Variants in RALA observed in about 807,000 individuals in gnomAD.
RALA encodes the protein ras-related protein Ral-A.
Under a neutral mutation model 24.0 loss-of-function variants are expected in RALA, and 5 were observed. The ratio of observed to expected loss-of-function variants is 0.21; its 90% CI spans 0.11 to 0.44. The LOEUF is 0.44. Among genes scored for constraint, RALA ranks in the 20% least tolerant of loss-of-function variants. RALA has a pLI of 0.99. For synonymous variants in RALA, 77 were observed against 83.8 expected (o/e 0.92, Z 0.44); for missense variants, 95 against 241.2 (o/e 0.39, Z 4.01).
intron 1 of RALA, among the ~76,000 whole-genome samples, chr7:39,648,734 A>G (rs1002707269): frequency 6.6e-6 from 1 of 152,174 alleles, no homozygotes; most frequent in Non-Finnish European, 1.5e-5. Context: ...TTGCCAGCCA[A>G]TCAGTTGTGG....
intron 1 of RALA, among the ~76,000 whole-genome samples, chr7:39,644,580 G>A (rs980989290): frequency 6.6e-6 from 1 of 152,158 alleles, no homozygotes; most frequent in African/African-American, 2.4e-5. Flanking sequence ...GAATAAGATT[G>A]CATTACTACT....
intron 1 of RALA, among the ~76,000 whole-genome samples, chr7:39,682,305 T>TTGC (rs143125070): frequency 7.7e-4 from 117 of 151,542 alleles, no homozygotes; most frequent in African/African-American, 1.5e-3. Flanking sequence ...GGTAATACCA[T>TTGC]TGCTGCTGCT....
At chr7:39,631,981 G>C (rs1791605541) in intron 1 of RALA, among the ~76,000 whole-genome samples, 1 of 152,144 alleles carries the variant, frequency 6.6e-6, no homozygotes, top group Non-Finnish European at 1.5e-5. Context: ...AGGGTGAGCA[G>C]GTGTGACACA....
chr7:39,660,537 T>C (rs1053963940), intron 1 of RALA, among the ~76,000 whole-genome samples: 6 of 152,174 alleles, frequency 3.9e-5, no homozygotes, highest in African/African-American at 1.4e-4. Context: ...CATAACTTTT[T>C]CTTTTCACTT....
chr7:39,672,189 A>T (rs1286099897), intron 1 of RALA, among the ~76,000 whole-genome samples: 1 of 152,224 alleles, frequency 6.6e-6, no homozygotes, highest in Non-Finnish European at 1.5e-5. Context: ...AAAGGATTTG[A>T]TTCAGAATAT....
intron 1 of RALA, among the ~76,000 whole-genome samples, chr7:39,640,114 C>T (rs891711546): frequency 2.0e-5 from 3 of 152,214 alleles, no homozygotes; most frequent in African/African-American, 7.2e-5. Context: ...GTAGTGAGAT[C>T]TTGGCACACT....
chr7:39,706,194 G>A lies in RALA; in HGVS notation c.570G>A (p.Lys190=), dbSNP rs375520261. The stretch of plus-strand genomic sequence containing the variant: ...ACAGCAAAGAAAAGAATGGAAAAAA[G>A]AAGAGGAAAAGTTTAGCCAAGAGAA... ...MEDSKEKNGK[K]KRKSLAKRIR... is the part of the protein sequence containing the mutation. The change falls in exon 5 of 5, where the codon AAG becomes AAA. Residue 190 remains lysine, a synonymous_variant. Coordinates refer to ENST00000005257, the MANE Select transcript of RALA (RefSeq NM_005402.4). The A allele has an allele frequency of 8.1e-6, 13 of 1,610,068 alleles. No homozygotes were observed. The East Asian group carries it at 2.7e-4, about 33-fold the overall frequency.
intron 1 of RALA, among the ~76,000 whole-genome samples, chr7:39,635,227 C>T (rs920853121): frequency 6.6e-6 from 1 of 151,884 alleles, no homozygotes; most frequent in Non-Finnish European, 1.5e-5. Flanking sequence ...AAAAATCAGC[C>T]GAGCATGGTG....
intron 1 of RALA, among the ~76,000 whole-genome samples, chr7:39,683,671 A>T (rs1583746726): frequency 6.6e-6 from 1 of 152,288 alleles, no homozygotes; most frequent in South Asian, 2.1e-4. Context: ...TAGCCTCTTA[A>T]TAGTCTGGAA....
intron 2 of RALA, 36 bp downstream of exon 2, chr7:39,686,817 C>G (rs757034990): frequency 6.8e-7 from 1 of 1,474,166 alleles, no homozygotes. Flanking sequence ...AAAGTTTAGG[C>G]TTTCAGAGAG....
intron 1 of RALA, among the ~76,000 whole-genome samples, chr7:39,684,781 C>T (rs1191562353): frequency 2.0e-5 from 3 of 150,894 alleles, no homozygotes; most frequent in African/African-American, 7.3e-5. Flanking sequence ...TTGTGTTGGG[C>T]ATTCAAAGGG....
At chr7:39,684,196 GTTGAGTTAAA>G (rs1562621735) in intron 1 of RALA, among the ~76,000 whole-genome samples, 10 of 152,144 alleles carry the variant, frequency 6.6e-5, no homozygotes, top group Non-Finnish European at 1.3e-4. Context: ...ATTTGTGTTT[GTTGAGTTAAA>G]TTGAACTCTT....
intron 1 of RALA, among the ~76,000 whole-genome samples, chr7:39,672,627 A>T (rs1792409189): frequency 6.9e-6 from 1 of 145,420 alleles, no homozygotes; most frequent in Non-Finnish European, 1.5e-5. Context: ...ATACATCCAG[A>T]CAATGGAATA....
chr7:39,625,735 G>T (rs1053381100), intron 1 of RALA, among the ~76,000 whole-genome samples: 3 of 152,202 alleles, frequency 2.0e-5, no homozygotes, highest in African/African-American at 7.2e-5. Flanking sequence ...TTATAGAAAA[G>T]AATCTTGTCT....
chr7:39,630,210 A>ATTTTTTTTTTT (rs57399698), intron 1 of RALA, among the ~76,000 whole-genome samples: 1 of 100,916 alleles, frequency 9.9e-6, no homozygotes, highest in Non-Finnish European at 1.9e-5. Context: ...TGCCTTGCTA[A>ATTTTTTTTTTT]TTTTTTTTTT....
chr7:39,632,401 G>A (rs1002343828), intron 1 of RALA, among the ~76,000 whole-genome samples: 1 of 152,290 alleles, frequency 6.6e-6, no homozygotes, highest in South Asian at 2.1e-4. Flanking sequence ...GGTACTGATT[G>A]CTTCATTGTA....
At chr7:39,694,966 A>G (rs752563958) in intron 3 of RALA, among the ~76,000 whole-genome samples, 1 of 151,830 alleles carries the variant, frequency 6.6e-6, no homozygotes, top group Non-Finnish European at 1.5e-5. Flanking sequence ...AGTTGAGGTA[A>G]GAGAATTGCT....
At chr7:39,628,389 A>T (rs1489067546) in intron 1 of RALA, among the ~76,000 whole-genome samples, 4 of 151,254 alleles carry the variant, frequency 2.6e-5, no homozygotes, top group African/African-American at 9.7e-5. Flanking sequence ...ACACACACAC[A>T]CACACACACA....
At chr7:39,699,432 G>A (rs1314190958) in intron 4 of RALA, among the ~76,000 whole-genome samples, 1 of 152,094 alleles carries the variant, frequency 6.6e-6, no homozygotes, top group Non-Finnish European at 1.5e-5. Flanking sequence ...GAGCCACCAC[G>A]CCCGGCCTAA....
Sources: gnomAD v4.1 joint callset for allele counts (sites outside exome capture counted in the v4.1 genomes callset) on GRCh38, gnomAD v4.1.1 for gene constraint, MANE v1.5 for transcripts, NCBI Gene and HGNC (gene_info 2026-07-23, HGNC 2026-07-21) for gene names.